Variants in ALG8 observed in about 807,000 individuals in gnomAD.
The protein encoded by ALG8 is ALG8 alpha-1,3-glucosyltransferase.
Under a neutral mutation model 70.2 loss-of-function variants are expected in ALG8, and 48 were observed. That is an observed-to-expected ratio of 0.68 (90% CI 0.54 to 0.87). The LOEUF (loss-of-function observed/expected upper bound fraction) is 0.87, where lower values mean the gene tolerates loss of function less well. Ranked by LOEUF, ALG8 falls within the 40% of genes least tolerant of loss-of-function variation. The pLI, the probability that ALG8 is intolerant of heterozygous loss-of-function variation, is 0.00. For synonymous variants in ALG8, 234 were observed against 229.0 expected (o/e 1.02, Z -0.20); for missense variants, 572 against 608.7 (o/e 0.94, Z 0.64).
intron 1 of ALG8, chr11:78,138,823 C>T (rs1008450219): frequency 2.2e-6 from 1 of 456,260 alleles, no homozygotes; most frequent in East Asian, 6.9e-5. Context: ...CCTGTGTTAT[C>T]TGTCCCCAGT....
In ALG8 at chr11:78,104,401, T is replaced by C; in HGVS notation, c.1231A>G (p.Thr411Ala). ...GDASIFLILTTTGHYSLFPLL... is the reference protein window; with the variant it reads ...GDASIFLILTATGHYSLFPLL... ...GGAAAGAGGGAATAATGTCCTGTTG[T>C]GGTCAGAATCAGAAAAATCGAAGCG... The change falls in exon 11 of 13, where the codon ACA becomes GCA. Residue 411 changes from threonine to alanine, a missense_variant. Thr to Ala is a moderately conservative substitution (Grantham distance 58). Coordinates refer to ENST00000299626, the MANE Select transcript of ALG8 (RefSeq NM_024079.5). The C allele has an allele frequency of 1.2e-6, 2 of 1,601,968 alleles. No homozygotes were observed. The highest frequency in any genetic ancestry group is 2.7e-5 in the African/African-American group (2 of 74,922).
At chr11:78,123,071 G>C (rs1860895939) in intron 3 of ALG8, among the ~76,000 whole-genome samples, 1 of 152,042 alleles carries the variant, frequency 6.6e-6, no homozygotes, top group South Asian at 2.1e-4. Context: ...ACTTTGGGAG[G>C]CCGAGGCGGG....
At chr11:78,128,357 T>A (rs1861168026) in intron 1 of ALG8, among the ~76,000 whole-genome samples, 1 of 152,166 alleles carries the variant, frequency 6.6e-6, no homozygotes, top group South Asian at 2.1e-4. Context: ...AAGTGAACAA[T>A]GAGTTCCACA....
chr11:78,132,519 G>A (rs1742634462), intron 1 of ALG8, among the ~76,000 whole-genome samples: 1 of 152,210 alleles, frequency 6.6e-6, no homozygotes, highest in African/African-American at 2.4e-5. Context: ...GCTCCGGCAT[G>A]ATTTGGTGCC....
At chr11:78,138,738 T>C (rs1343955548) in intron 1 of ALG8, 2 of 456,224 alleles carry the variant, frequency 4.4e-6, no homozygotes, top group African/African-American at 2.0e-5. Flanking sequence ...TCATGGTTGC[T>C]TCTTGGTTTC....
intron 8 of ALG8, 51 bp downstream of exon 8, chr11:78,112,599 C>G (rs1021355084): frequency 1.2e-6 from 2 of 1,608,594 alleles, no homozygotes; most frequent in Admixed American, 3.3e-5. Context: ...CTCCATGTGC[C>G]TAAGTCCTTT....
intron 5 of ALG8, among the ~76,000 whole-genome samples, chr11:78,115,126 C>G (rs763311811): frequency 6.6e-6 from 1 of 152,184 alleles, no homozygotes; most frequent in African/African-American, 2.4e-5. Flanking sequence ...TCCGCCTCCT[C>G]GGTTCAAGCA....
intron 12 of ALG8, among the ~76,000 whole-genome samples, chr11:78,101,918 T>C (rs1859814142): frequency 6.6e-6 from 1 of 152,218 alleles, no homozygotes; most frequent in African/African-American, 2.4e-5. Flanking sequence ...CTCAGCTTAC[T>C]GCAACCTCCA....
chr11:78,119,145 T>G (rs372050285), intron 5 of ALG8, 37 bp downstream of exon 5: 164 of 1,524,570 alleles, frequency 1.1e-4, no homozygotes, highest in Non-Finnish European at 1.4e-4. Flanking sequence ...AAAACTAATC[T>G]AAAAGGGAAA....
At chr11:78,117,421 T>A (rs554321081) in intron 5 of ALG8, among the ~76,000 whole-genome samples, 1 of 152,094 alleles carries the variant, frequency 6.6e-6, no homozygotes, top group Non-Finnish European at 1.5e-5. Flanking sequence ...ATAAGATATA[T>A]GTAAGCCAGG....
chr11:78,104,096 G>C lies in ALG8; in HGVS notation c.1277-44C>G, dbSNP rs141393329. ...AAAAAAGATAATTTAGCTGATGACA[G>C]AAAGACTTATGATGCTGAAAGTAAT... On this transcript the variant is annotated intron_variant, in intron 11 of 12. Transcript: ENST00000299626. The C allele has an allele frequency of 6.4e-4, 791 of 1,236,110 alleles. 4 individuals carry two copies. The African/African-American group carries it at 9.9e-3, about 15-fold the overall frequency. The allele number at this position is 1,236,110 out of a possible 1,614,324, so 76.6% of individuals were successfully genotyped here. A position where few individuals can be genotyped will look rare whatever the true frequency, so the allele number is the denominator to read the frequency against.
At chr11:78,127,293 A>G in intron 2 of ALG8, 65 bp downstream of exon 2, 7 of 1,411,650 alleles carry the variant, frequency 5.0e-6, no homozygotes, top group Non-Finnish European at 6.9e-6. Flanking sequence ...CATTTTTAAT[A>G]TCAGTAATAT....
chr11:78,102,619 G>A (rs1859842283), intron 12 of ALG8, among the ~76,000 whole-genome samples: 1 of 152,102 alleles, frequency 6.6e-6, no homozygotes, highest in South Asian at 2.1e-4. Context: ...AATTATATAA[G>A]TTTTTATGGA....
intron 8 of ALG8, 72 bp downstream of exon 8, chr11:78,112,578 T>C (rs1860340003): frequency 6.3e-7 from 1 of 1,597,624 alleles, no homozygotes; most frequent in African/African-American, 1.3e-5. Context: ...AACACAAAGG[T>C]TTTTCCATTT....
At chr11:78,105,077 G>A (rs1026094705) in intron 10 of ALG8, among the ~76,000 whole-genome samples, 1 of 152,142 alleles carries the variant, frequency 6.6e-6, no homozygotes, top group East Asian at 1.9e-4. Context: ...AGGACTTGGA[G>A]TTTCATTTCC....
At chr11:78,113,764 G>T in intron 7 of ALG8, 122 bp downstream of exon 7, 1 of 737,210 alleles carries the variant, frequency 1.4e-6, no homozygotes, top group Non-Finnish European at 2.2e-6. Context: ...GGGGAGTCAC[G>T]TTGGGTAAGG....
rs374462563 is a variant in ALG8 at position 78,123,832 on chromosome 11, C to A, written c.368+189G>T. ...CTGCCTTGTAACTCCACCTTATCCC[C>A]ATTTCTTCCACAAGATTCAGCTAGA... On this transcript the variant is annotated intron_variant, in intron 3 of 12. Transcript: ENST00000299626. Among the ~76,000 whole-genome samples, 20 of 152,282 alleles carry A rather than the reference C, an allele frequency of 1.3e-4. No homozygotes were observed. The South Asian group carries it at 3.7e-3, about 28-fold the overall frequency.
At chr11:78,139,387 C>G (rs1244723794) in intron 1 of ALG8, 107 bp downstream of exon 1, 2 of 1,116,370 alleles carry the variant, frequency 1.8e-6, no homozygotes, top group African/African-American at 1.6e-5. Context: ...GCGACAAACA[C>G]GACCTAAAGT....
chr11:78,120,751 G>C (rs1860785299), intron 4 of ALG8, among the ~76,000 whole-genome samples: 1 of 152,144 alleles, frequency 6.6e-6, no homozygotes, highest in Non-Finnish European at 1.5e-5. Flanking sequence ...AAGGTATTTG[G>C]AATAATGTGT....
Sources: gnomAD v4.1 joint callset for allele counts (sites outside exome capture counted in the v4.1 genomes callset) on GRCh38, gnomAD v4.1.1 for gene constraint, MANE v1.5 for transcripts, NCBI Gene and HGNC (gene_info 2026-07-23, HGNC 2026-07-21) for gene names.